The following SEL1L3 variants were observed in gnomAD, a reference collection of about 807,000 sequenced individuals.
SEL1L3 encodes the protein protein sel-1 homolog 3.
In SEL1L3, 76 loss-of-function variants were observed where a neutral mutation model predicts 142.8. The ratio of observed to expected loss-of-function variants is 0.53; its 90% CI spans 0.44 to 0.64. The LOEUF is 0.64. SEL1L3 is among the 30% of genes least tolerant of loss of function. The probability of loss-of-function intolerance (pLI) is 0.00; values close to 1 mark genes in which losing one functional copy is unlikely to be tolerated. For missense variants in SEL1L3, 1,262 were observed against 1,381.7 expected (o/e 0.91, Z 1.37); for synonymous variants, 504 against 519.6 (o/e 0.97, Z 0.41).
chr4:25,832,061 A>G (rs1490560033), intron 5 of SEL1L3, among the ~76,000 whole-genome samples: 2 of 152,226 alleles, frequency 1.3e-5, no homozygotes, highest in Non-Finnish European at 2.9e-5. Context: ...TAGGAAGCTA[A>G]AATGTGGACC....
At chr4:25,733,110 A>G in the SEL1L3 span, among the ~76,000 whole-genome samples, 2 of 150,572 alleles carry the variant, frequency 1.3e-5, no homozygotes, top group African/African-American at 2.4e-5. Context: ...GGTCCCTTGT[A>G]TTTCCATATA....
chr4:25,774,589 G>A (rs1338071331), intron 17 of SEL1L3, among the ~76,000 whole-genome samples: 3 of 152,210 alleles, frequency 2.0e-5, no homozygotes, highest in African/African-American at 4.8e-5. Flanking sequence ...GCCCAGGTGA[G>A]GTGGCTCATG....
At chr4:25,848,685 A>G (rs1285037800) in intron 1 of SEL1L3, among the ~76,000 whole-genome samples, 1 of 152,252 alleles carries the variant, frequency 6.6e-6, no homozygotes, top group Non-Finnish European at 1.5e-5. Context: ...GGTGGCTATT[A>G]TTAAACACAC....
Position 25,748,076 on chromosome 4 carries a change from C to T in SEL1L3, c.*349G>A. On this transcript the variant is annotated 3_prime_UTR_variant, in exon 24 of 24. Coordinates refer to ENST00000399878, the MANE Select transcript of SEL1L3 (RefSeq NM_015187.5). ...AAGGGATGAAGCACGCACTGTGATT[C>T]TTAAGACACATCTTAGTGTATAAGA... is the stretch of plus-strand genomic sequence containing the variant. 4.8e-6 allele frequency: 1 copy of T among 207,888 alleles called. No homozygotes were observed. The highest frequency in any genetic ancestry group is 9.7e-6 in the Non-Finnish European group (1 of 103,370). The allele number at this position is 207,888 out of a possible 1,614,324, so 12.9% of individuals were successfully genotyped here.
chr4:25,861,945 A>G (rs1717736390), intron 1 of SEL1L3: 1 of 152,224 alleles, frequency 6.6e-6, no homozygotes, highest in African/African-American at 2.4e-5. Flanking sequence ...ACTGCCCTTT[A>G]GTTGATGACT....
Position 25,788,140 on chromosome 4 carries a change from C to T in SEL1L3, c.2217+84G>A. 7.1e-7 allele frequency: 1 copy of T among 1,401,354 alleles called. No homozygotes were observed. Among genetic ancestry groups the T allele is most frequent in the Non-Finnish European group, 9.9e-7 (1 of 1,012,904 alleles). The allele number at this position is 1,401,354 out of a possible 1,614,324, so 86.8% of individuals were successfully genotyped here. A position where few individuals can be genotyped will look rare whatever the true frequency, so the allele number is the denominator to read the frequency against. On this transcript the variant is annotated intron_variant, in intron 13 of 23. Transcript: ENST00000399878. This position sits in a 1 kb window ranked among gnomAD's most constrained non-coding sequence, Gnocchi z 5.3. Reference sequence around the variant, plus strand: ...ACTAAATTTCTTCAGTTATCGACTCCCTGTTTGCCAGCCCGCCCACAGGAA... The same window carrying T: ...ACTAAATTTCTTCAGTTATCGACTCTCTGTTTGCCAGCCCGCCCACAGGAA...
At position 25,832,548 on chromosome 4, in the gene SEL1L3, T is replaced by G. The variant is rs370247567; in HGVS notation, c.1098+447A>C. Among the ~76,000 whole-genome samples, 5 of 152,344 alleles carry G rather than the reference T, an allele frequency of 3.3e-5. No individual in the cohort carries two copies. In the South Asian group the frequency reaches 1.0e-3, roughly 32 times the overall value. On this transcript the variant is annotated intron_variant, in intron 5 of 23. Transcript: ENST00000399878. ...ATTATGGTCTGTTTAATGCCAAACA[T>G]AAGCAATTGCTTCACTTGCCAAAAG...
At chr4:25,714,536 CT>C in the SEL1L3 span, among the ~76,000 whole-genome samples, 32 of 98,742 alleles carry the variant, frequency 3.2e-4, no homozygotes, top group East Asian at 3.9e-3. Flanking sequence ...TTCTTTCTTT[CT>C]TTCTTTCTTT....
chr4:25,790,803 G>C (rs1287855429), intron 11 of SEL1L3, among the ~76,000 whole-genome samples: 2 of 150,230 alleles, frequency 1.3e-5, no homozygotes, highest in Middle Eastern at 3.2e-3. Flanking sequence ...AGGGAAAGAA[G>C]GAAGGAAGAA....
intron 7 of SEL1L3, among the ~76,000 whole-genome samples, chr4:25,820,500 C>A (rs1402678884): frequency 2.0e-5 from 3 of 152,184 alleles, no homozygotes; most frequent in African/African-American, 7.2e-5. Flanking sequence ...GTTTAAGATC[C>A]CGAAAGGGAG....
intron 9 of SEL1L3, among the ~76,000 whole-genome samples, chr4:25,809,851 T>C (rs558527034): frequency 6.6e-6 from 1 of 152,368 alleles, no homozygotes; most frequent in South Asian, 2.1e-4. Flanking sequence ...GATGTTATTA[T>C]GTAACATAGT....
chr4:25,826,733 C>T (rs779855714), intron 6 of SEL1L3, among the ~76,000 whole-genome samples: 2 of 152,136 alleles, frequency 1.3e-5, no homozygotes, highest in South Asian at 2.1e-4. Flanking sequence ...TCTGTCGCCC[C>T]GGCTGGAGTA....
At chr4:25,786,443 C>G (rs1463459163) in intron 13 of SEL1L3, among the ~76,000 whole-genome samples, 1 of 152,144 alleles carries the variant, frequency 6.6e-6, no homozygotes, top group Non-Finnish European at 1.5e-5. Context: ...AGAAAGCAAA[C>G]CCAGAGAAGG....
intron 9 of SEL1L3, among the ~76,000 whole-genome samples, chr4:25,805,787 A>G (rs1317455264): frequency 6.6e-6 from 1 of 152,232 alleles, no homozygotes; most frequent in South Asian, 2.1e-4. Flanking sequence ...GTGTTACAAA[A>G]GGCCATATAG....
chr4:25,843,277 G>C (rs150607500), intron 2 of SEL1L3, among the ~76,000 whole-genome samples: 4 of 151,786 alleles, frequency 2.6e-5, no homozygotes, highest in Non-Finnish European at 5.9e-5. Context: ...GGCTGCTGGT[G>C]GGGGGTGAGG....
At chr4:25,844,085 T>C (rs565637621) in intron 2 of SEL1L3, among the ~76,000 whole-genome samples, 96 of 152,308 alleles carry the variant, frequency 6.3e-4, no homozygotes, top group Admixed American at 1.0e-3. Context: ...AAACCCCACA[T>C]CAGTGCTGGC....
chr4:25,852,218 G>C (rs1716956044), intron 1 of SEL1L3, among the ~76,000 whole-genome samples: 1 of 152,164 alleles, frequency 6.6e-6, no homozygotes, highest in Admixed American at 6.5e-5. Flanking sequence ...TGACAATCAA[G>C]AGGTGACATT....
In SEL1L3 at chr4:25,804,702, C is replaced by G; in HGVS notation, c.1615G>C (p.Glu539Gln). 2.5e-6 allele frequency: 4 copies of G among 1,613,890 alleles called. No individual in the cohort carries two copies. The South Asian group carries it at 3.3e-5, about 13-fold the overall frequency. The part of the protein sequence containing the change: ...SVSEIGGKIF[E>Q]KAVKRLSSID... ...CTAGAGAGTCTCTTTACAGCCTTCT[C>G]AAATATCTTCCCACCGATTTCTGAT... Residue 539 changes from glutamate (E) to glutamine (Q), a missense_variant, in exon 10 of 24, where the codon GAG (glutamate) becomes CAG (glutamine). This residue lies in a region of SEL1L3 where 689 missense variants were observed against 692.8 expected (regional missense o/e 0.99). Coordinates refer to ENST00000399878, the MANE Select transcript of SEL1L3 (RefSeq NM_015187.5).
the SEL1L3 span, among the ~76,000 whole-genome samples, chr4:25,722,600 A>C: frequency 2.0e-5 from 3 of 148,948 alleles, no homozygotes; most frequent in South Asian, 6.3e-4. Context: ...AAGAGCCACA[A>C]GATACATGCA....
Sources: allele counts gnomAD v4.1 joint callset (sites outside exome capture counted in the v4.1 genomes callset), GRCh38; gene constraint gnomAD v4.1.1; regional missense constraint gnomAD v4.1.1; non-coding constraint Gnocchi (gnomAD v3.1); transcripts MANE v1.5; gene names NCBI Gene and HGNC (gene_info 2026-07-23, HGNC 2026-07-21).